The following INIP variants were observed in gnomAD, a reference collection of about 807,000 sequenced individuals.
INIP encodes SOSS complex subunit C.
In INIP, 9 loss-of-function variants were observed where a neutral mutation model predicts 14.0. The observed-to-expected ratio is 0.64, with a 90% confidence interval of 0.39 to 1.12. The LOEUF (loss-of-function observed/expected upper bound fraction) is 1.12, where lower values mean the gene tolerates loss of function less well. Among genes scored for constraint, INIP ranks in the 50% most tolerant of loss-of-function variants. INIP has a pLI of 0.01. For missense variants in INIP, 78 were observed against 122.7 expected, an observed-to-expected ratio of 0.64 and a Z score of 1.72; for synonymous variants, 37 against 41.5, an observed-to-expected ratio of 0.89 and a Z score of 0.41.
chr9:112,716,772 C>T (rs1838832460), intron 1 of INIP, among the ~76,000 whole-genome samples: 1 of 151,770 alleles, frequency 6.6e-6, no homozygotes, highest in Non-Finnish European at 1.5e-5. Flanking sequence ...TGGTGAAACC[C>T]AGTCTCTACT....
chr9:112,713,483 A>G (rs1353520461), intron 2 of INIP, among the ~76,000 whole-genome samples: 4 of 152,142 alleles, frequency 2.6e-5, no homozygotes, highest in Admixed American at 2.6e-4. Context: ...TCTTGAGGCC[A>G]GGAGTTCAAG....
At chr9:112,713,756 C>A (rs560507705) in intron 2 of INIP, among the ~76,000 whole-genome samples, 1 of 151,980 alleles carries the variant, frequency 6.6e-6, no homozygotes, top group Non-Finnish European at 1.5e-5. Context: ...TTTGGGAGGC[C>A]GAGGCAGGCG....
intron 3 of INIP, among the ~76,000 whole-genome samples, chr9:112,692,371 A>G (rs914959698): frequency 2.6e-5 from 4 of 151,980 alleles, no homozygotes; most frequent in Non-Finnish European, 5.9e-5. Flanking sequence ...TGCAGCCCCA[A>G]CCTCCCAGGC....
chr9:112,694,116 T>G lies in INIP; in HGVS notation c.128+15A>C. 6.8e-7 allele frequency: 1 copy of G among 1,475,520 alleles called. No homozygotes were observed. The highest frequency in any genetic ancestry group is 1.4e-5 in the African/African-American group (1 of 70,868). The allele number at this position is 1,475,520 out of a possible 1,614,324, so 91.4% of individuals were successfully genotyped here. ...AAACAAAACAAACAAAAAACCCACA[T>G]TATAGTGTCAATACCTAGCTCCAGG... On this transcript the variant is annotated intron_variant, in intron 3 of 4. Transcript: ENST00000374242.
intron 3 of INIP, 79 bp from the exon 4 acceptor site, chr9:112,689,696 T>C (rs762417477): frequency 5.6e-6 from 6 of 1,076,820 alleles, no homozygotes; most frequent in Non-Finnish European, 8.5e-6. Flanking sequence ...TAAATTATCT[T>C]CTTTTTTTTA....
intron 2 of INIP, among the ~76,000 whole-genome samples, chr9:112,705,505 C>A (rs2131305456): frequency 6.6e-6 from 1 of 152,112 alleles, no homozygotes; most frequent in East Asian, 1.9e-4. Context: ...CAAATGGGGT[C>A]CCCTTGTGTT....
At chr9:112,705,401 C>G (rs1282507701) in intron 2 of INIP, among the ~76,000 whole-genome samples, 2 of 151,988 alleles carry the variant, frequency 1.3e-5, no homozygotes, top group Non-Finnish European at 2.9e-5. Flanking sequence ...CCTTGACATC[C>G]CCGGCTCAAG....
intron 2 of INIP, among the ~76,000 whole-genome samples, chr9:112,695,616 C>T (rs1051967890): frequency 1.3e-5 from 2 of 152,078 alleles, no homozygotes; most frequent in Non-Finnish European, 2.9e-5. Flanking sequence ...ACCTCTGGCA[C>T]ATTCATTTCT....
intron 2 of INIP, among the ~76,000 whole-genome samples, chr9:112,699,758 G>A (rs1481677348): frequency 6.6e-6 from 1 of 152,018 alleles, no homozygotes; most frequent in Non-Finnish European, 1.5e-5. Flanking sequence ...CTCTAAAAAC[G>A]CTATCCATGA....
intron 4 of INIP, among the ~76,000 whole-genome samples, chr9:112,689,224 A>C (rs975932223): frequency 6.6e-6 from 1 of 152,214 alleles, no homozygotes; most frequent in African/African-American, 2.4e-5. Flanking sequence ...CTATTTAGCC[A>C]GTTCAATTTT....
intron 2 of INIP, among the ~76,000 whole-genome samples, chr9:112,707,572 A>C (rs1391136995): frequency 6.6e-6 from 1 of 152,046 alleles, no homozygotes; most frequent in Admixed American, 6.5e-5. Flanking sequence ...CTAGCATTAC[A>C]TCAGATTGCA....
intron 2 of INIP, among the ~76,000 whole-genome samples, chr9:112,706,809 T>C (rs1461397168): frequency 6.6e-6 from 1 of 152,184 alleles, no homozygotes; most frequent in Non-Finnish European, 1.5e-5. Flanking sequence ...TCTTGCTGTG[T>C]TGCCCAGGCT....
chr9:112,711,949 A>C (rs143471093), intron 2 of INIP, among the ~76,000 whole-genome samples: 1 of 152,210 alleles, frequency 6.6e-6, no homozygotes, highest in African/African-American at 2.4e-5. Flanking sequence ...AAATATTAAA[A>C]ATTCACTACT....
rs1837718797 is a variant in INIP at position 112,687,499 on chromosome 9, TG to T, written c.*38del. ...ACTGAATGATAGTAGCTTTGGCATT[TG>T]ATATTACAAAGTCACTTTTCCATCG... On this transcript the variant is annotated 3_prime_UTR_variant, in exon 5 of 5. Coordinates refer to ENST00000374242, the MANE Select transcript of INIP (RefSeq NM_021218.3). 1 of 1,266,556 alleles carries T rather than the reference TG, an allele frequency of 7.9e-7. No individual in the cohort carries two copies. Among genetic ancestry groups the T allele is most frequent in the South Asian group, 1.2e-5 (1 of 82,930 alleles). 78.5% of individuals were successfully genotyped at this position (1,266,556 alleles called of 1,614,324 possible).
intron 2 of INIP, among the ~76,000 whole-genome samples, chr9:112,708,451 A>C (rs896435214): frequency 2.0e-4 from 30 of 152,324 alleles, no homozygotes; most frequent in African/African-American, 7.0e-4. Context: ...CGGATCCAAT[A>C]GCTATTTAGG....
intron 2 of INIP, among the ~76,000 whole-genome samples, chr9:112,715,439 T>G (rs975104686): frequency 6.6e-6 from 1 of 152,190 alleles, no homozygotes; most frequent in Admixed American, 6.5e-5. Context: ...CTTTTAAATT[T>G]TTTTAACTTT....
In INIP at chr9:112,685,538, T is replaced by G. The variant is rs1564215541; in HGVS notation, c.*2000A>C. The G allele has an allele frequency of 6.6e-6, 1 of 151,814 alleles. No individual in the cohort carries two copies. The highest frequency in any genetic ancestry group is 6.6e-5 in the Admixed American group (1 of 15,234). 9.4% of individuals were successfully genotyped at this position (151,814 alleles called of 1,614,324 possible). The stretch of plus-strand genomic sequence containing the variant: ...AGGCCATATCTATTTAAAAGAAGAC[T>G]AACAAACAGACTAGAAACGATAACA... On this transcript the variant is annotated 3_prime_UTR_variant, in exon 5 of 5. Transcript: ENST00000374242.
intron 2 of INIP, among the ~76,000 whole-genome samples, chr9:112,698,411 C>T (rs766869718): frequency 1.3e-5 from 2 of 152,034 alleles, no homozygotes; most frequent in East Asian, 1.9e-4. Context: ...AAATGTCTGC[C>T]GCTCTGAAAA....
chr9:112,690,373 G>T (rs2131281862), intron 3 of INIP, among the ~76,000 whole-genome samples: 1 of 152,258 alleles, frequency 6.6e-6, no homozygotes, highest in East Asian at 1.9e-4. Flanking sequence ...TGCGATTCCA[G>T]CTACGTGGGA....
Sources: allele counts gnomAD v4.1 joint callset (sites outside exome capture counted in the v4.1 genomes callset), GRCh38; gene constraint gnomAD v4.1.1; transcripts MANE v1.5; gene names NCBI Gene and HGNC (gene_info 2026-07-23, HGNC 2026-07-21).